Variants in GPR137C observed in about 807,000 individuals in gnomAD.
GPR137C encodes the protein integral membrane protein GPR137C.
A neutral mutation model predicts 43.4 loss-of-function variants in GPR137C; 27 were observed. The observed-to-expected ratio is 0.62, with a 90% confidence interval of 0.46 to 0.86. The LOEUF (loss-of-function observed/expected upper bound fraction) is 0.86, where lower values mean the gene tolerates loss of function less well. GPR137C is among the 40% of genes least tolerant of loss of function. The pLI is 0.00. For missense variants in GPR137C, 522 were observed against 534.6 expected (o/e 0.98, Z 0.23); for synonymous variants, 285 against 226.9 (o/e 1.26, Z -2.30).
chr14:52,599,434 C>CTT (rs376009711), intron 2 of GPR137C, among the ~76,000 whole-genome samples: 25 of 139,722 alleles, frequency 1.8e-4, no homozygotes, highest in Non-Finnish European at 2.2e-4. Context: ...TTTTTTTTTC[C>CTT]TTTTTTTTTT....
intron 3 of GPR137C, chr14:52,611,886 C>T (rs376542698): frequency 2.1e-6 from 2 of 950,316 alleles, no homozygotes; most frequent in Non-Finnish European, 2.5e-6. Flanking sequence ...TTACGTGGCA[C>T]TAAAAATATA....
At chr14:52,567,168 A>G (rs2038384105) in intron 1 of GPR137C, among the ~76,000 whole-genome samples, 1 of 152,174 alleles carries the variant, frequency 6.6e-6, no homozygotes, top group South Asian at 2.1e-4. Context: ...GAACTTGGGC[A>G]CTGGAGTCCC....
intron 3 of GPR137C, among the ~76,000 whole-genome samples, chr14:52,628,115 T>A (rs905801529): frequency 5.3e-5 from 8 of 152,178 alleles, no homozygotes; most frequent in African/African-American, 1.9e-4. Flanking sequence ...TGAAACTTAG[T>A]ATAAAGCTAC....
chr14:52,553,100 T>G lies in GPR137C; in HGVS notation c.-48T>G. On this transcript the variant is annotated 5_prime_UTR_variant, in exon 1 of 7. Transcript: ENST00000321662. ...TCTCCCCTTCGACGGCGGCTCCGAGTCCAGCCCCTTCCTTCCCGCGCTCGC... is the reference window on the plus strand; with the variant it reads ...TCTCCCCTTCGACGGCGGCTCCGAGGCCAGCCCCTTCCTTCCCGCGCTCGC... 1 of 1,054,590 alleles carries G rather than the reference T, an allele frequency of 9.5e-7. No homozygotes were observed. The highest frequency in any genetic ancestry group is 4.7e-5 in the South Asian group (1 of 21,350). 65.3% of individuals were successfully genotyped at this position (1,054,590 alleles called of 1,614,324 possible).
At chr14:52,617,552 G>A (rs917824831) in intron 3 of GPR137C, among the ~76,000 whole-genome samples, 15 of 152,140 alleles carry the variant, frequency 9.9e-5, no homozygotes, top group African/African-American at 3.1e-4. Flanking sequence ...GGTGGCACAT[G>A]CCTGTAATAC....
intron 6 of GPR137C, among the ~76,000 whole-genome samples, chr14:52,634,259 A>G (rs1006374027): frequency 1.8e-4 from 28 of 152,116 alleles, no homozygotes; most frequent in Non-Finnish European, 7.4e-5. Flanking sequence ...TATAGTGATT[A>G]TATGTCTGTT....
chr14:52,559,619 A>G (rs987963486), intron 1 of GPR137C, among the ~76,000 whole-genome samples: 5 of 152,224 alleles, frequency 3.3e-5, no homozygotes, highest in African/African-American at 1.2e-4. Flanking sequence ...TATTGGCAGC[A>G]TATTACCTAG....
intron 3 of GPR137C, among the ~76,000 whole-genome samples, chr14:52,619,958 T>C (rs1277948778): frequency 6.6e-6 from 1 of 152,206 alleles, no homozygotes; most frequent in African/African-American, 2.4e-5. Context: ...CACGATTCTA[T>C]GTCTGGTAAT....
chr14:52,564,098 A>G (rs1469239533), intron 1 of GPR137C, among the ~76,000 whole-genome samples: 2 of 152,134 alleles, frequency 1.3e-5, no homozygotes, highest in South Asian at 4.2e-4. Context: ...ATATGGTGAA[A>G]CCCCATCTCT....
At chr14:52,616,646 A>C (rs1363033823) in intron 3 of GPR137C, among the ~76,000 whole-genome samples, 1 of 152,140 alleles carries the variant, frequency 6.6e-6, no homozygotes, top group Non-Finnish European at 1.5e-5. Flanking sequence ...TCTTTGCTTG[A>C]TTGTCCATGC....
intron 3 of GPR137C, among the ~76,000 whole-genome samples, chr14:52,616,212 A>G (rs770783462): frequency 4.6e-5 from 7 of 152,222 alleles, no homozygotes; most frequent in Non-Finnish European, 8.8e-5. Context: ...GTTGGAAACT[A>G]TCTCTAGTTA....
chr14:52,621,134 TAAA>T (rs2039156329), intron 3 of GPR137C, among the ~76,000 whole-genome samples: 2 of 151,648 alleles, frequency 1.3e-5, no homozygotes, highest in East Asian at 3.8e-4. Context: ...TGCTGCAAAC[TAAA>T]AAGAATAAGA....
At chr14:52,628,689 G>A (rs945674905) in intron 3 of GPR137C, among the ~76,000 whole-genome samples, 15 of 152,002 alleles carry the variant, frequency 9.9e-5, no homozygotes, top group Non-Finnish European at 2.2e-4. Flanking sequence ...CCAGCTACTC[G>A]GGAGGCTGAG....
At position 52,632,019 on chromosome 14, in the gene GPR137C, A is replaced by G. The variant is rs1218818924; in HGVS notation, c.718-141A>G. The G allele has an allele frequency of 3.8e-5, 21 of 559,830 alleles. No homozygotes were observed. The East Asian group carries it at 5.5e-4, about 15-fold the overall frequency. 34.7% of individuals were successfully genotyped at this position (559,830 alleles called of 1,614,324 possible). On this transcript the variant is annotated intron_variant, in intron 3 of 6. Transcript: ENST00000321662. ...TTCTAGGAATAGGAATTGAAAAGCA[A>G]GATAATCAAGAGTTTATTTCAACAG...
rs77873382 is a variant in GPR137C, at chr14:52,561,564, A to C, written c.444+7973A>C. On this transcript the variant is annotated intron_variant, in intron 1 of 6. Coordinates refer to ENST00000321662, the MANE Select transcript of GPR137C (RefSeq NM_001099652.2). ...TAATAGCTTTATTCACAAAAACTCCACTGAAATTAACCCAGATGTTCATCA... is the reference window on the plus strand; with the variant it reads ...TAATAGCTTTATTCACAAAAACTCCCCTGAAATTAACCCAGATGTTCATCA... 3.5e-3 allele frequency among the ~76,000 whole-genome samples: 539 copies of C among 152,346 alleles called. 4 individuals are homozygous for C. The highest frequency in any genetic ancestry group is 0.012 in the African/African-American group (514 of 41,588).
Position 52,578,996 on chromosome 14 carries a change from G to A in GPR137C, c.445-19276G>A, listed in dbSNP as rs192532741. Among the ~76,000 whole-genome samples the A allele has an allele frequency of 6.6e-5, 10 of 151,954 alleles. No individual in the cohort carries two copies. The East Asian group carries it at 9.7e-4, about 15-fold the overall frequency. On this transcript the variant is annotated intron_variant, in intron 1 of 6. Transcript: ENST00000321662. Reference sequence around the variant, plus strand: ...CTGAGCTTATGGGTGAGATATGTACGCTCTGAGCTTTGCTGTAGGGTGATC... The same window carrying A: ...CTGAGCTTATGGGTGAGATATGTACACTCTGAGCTTTGCTGTAGGGTGATC...
At chr14:52,556,391 C>CTTTTTTT (rs76210630) in intron 1 of GPR137C, among the ~76,000 whole-genome samples, 2 of 140,274 alleles carry the variant, frequency 1.4e-5, no homozygotes, top group Non-Finnish European at 1.6e-5. Flanking sequence ...CCCCTTTTTT[C>CTTTTTTT]TTTTTTTTTT....
chr14:52,627,244 T>C (rs2039238450), intron 3 of GPR137C, among the ~76,000 whole-genome samples: 1 of 152,006 alleles, frequency 6.6e-6, no homozygotes, highest in African/African-American at 2.4e-5. Context: ...AATTTTAAAA[T>C]TAGCCAGACA....
At chr14:52,580,994 T>A in intron 1 of GPR137C, among the ~76,000 whole-genome samples, 2 of 149,156 alleles carry the variant, frequency 1.3e-5, no homozygotes. Flanking sequence ...AAGTCAGGAG[T>A]TTGAGACCAG....
Sources: allele counts gnomAD v4.1 joint callset (sites outside exome capture counted in the v4.1 genomes callset), GRCh38; gene constraint gnomAD v4.1.1; transcripts MANE v1.5; gene names NCBI Gene and HGNC (gene_info 2026-07-23, HGNC 2026-07-21).